The following ZNF503 variants were observed in gnomAD, a reference collection of about 807,000 sequenced individuals.
The protein encoded by ZNF503 is zinc finger protein 503, also known as NocA-like zinc finger 2.
Under a neutral mutation model 34.4 loss-of-function variants are expected in ZNF503, and 15 were observed. The observed-to-expected ratio is 0.44, with a 90% CI of 0.29 to 0.67. ZNF503 has a LOEUF of 0.67. Among genes scored for constraint, ZNF503 ranks in the 30% least tolerant of loss-of-function variants. The pLI, the probability that ZNF503 is intolerant of heterozygous loss-of-function variation, is 0.13. For missense variants in ZNF503, 1,007 were observed against 926.8 expected, an observed-to-expected ratio of 1.09 and a Z score of -1.12; for synonymous variants, 580 against 456.8, an observed-to-expected ratio of 1.27 and a Z score of -3.44.
chr10:75,401,765 G>T, upstream of ZNF503: 1 of 329,842 alleles, frequency 3.0e-6, no homozygotes, highest in Non-Finnish European at 5.5e-6. Context: ...CCGGGGCTCT[G>T]GCGAGGAAAC....
At chr10:75,364,518 T>G in the ZNF503 span, among the ~76,000 whole-genome samples, 17 of 152,178 alleles carry the variant, frequency 1.1e-4, no homozygotes, top group Non-Finnish European at 2.1e-4. Flanking sequence ...CTTGGTGTGC[T>G]AATCTGAAAT....
At chr10:75,382,563 T>C in the ZNF503 span, 6 of 480,338 alleles carry the variant, frequency 1.2e-5, no homozygotes, top group Non-Finnish European at 2.3e-5. Context: ...TCTTTCTCCT[T>C]CCCAGATATT....
chr10:75,292,131 G>A, the ZNF503 span, among the ~76,000 whole-genome samples: 8 of 152,192 alleles, frequency 5.3e-5, no homozygotes, highest in African/African-American at 1.4e-4. Flanking sequence ...TCACAGAGGG[G>A]ACCATGGGGG....
chr10:75,283,247 G>A, the ZNF503 span: 1 of 152,306 alleles, frequency 6.6e-6, no homozygotes, highest in African/African-American at 2.4e-5. Flanking sequence ...AGGGGCAGGT[G>A]TGAGGGATAG....
chr10:75,341,875 C>G, the ZNF503 span, among the ~76,000 whole-genome samples: 4 of 152,134 alleles, frequency 2.6e-5, no homozygotes, highest in African/African-American at 9.7e-5. Flanking sequence ...CAGGCAAGTT[C>G]CCACACACTG....
At chr10:75,307,844 C>T in the ZNF503 span, among the ~76,000 whole-genome samples, 48 of 152,092 alleles carry the variant, frequency 3.2e-4, 1 homozygote, top group Middle Eastern at 0.02. Context: ...TTTGGGAGGC[C>T]GAGGCGGGAG....
the ZNF503 span, among the ~76,000 whole-genome samples, chr10:75,294,518 C>T: frequency 3.9e-5 from 6 of 152,134 alleles, no homozygotes; most frequent in South Asian, 1.2e-3. Flanking sequence ...AAATTATTAA[C>T]GCTGAATTTC....
chr10:75,314,254 A>AAAAG, the ZNF503 span, among the ~76,000 whole-genome samples: 3 of 150,530 alleles, frequency 2.0e-5, no homozygotes, highest in African/African-American at 7.4e-5. Context: ...AAAAAAAAAA[A>AAAAG]AAAGAAAGCT....
chr10:75,332,153 A>T, the ZNF503 span, among the ~76,000 whole-genome samples: 1 of 152,052 alleles, frequency 6.6e-6, no homozygotes, highest in Admixed American at 6.6e-5. Context: ...TGGATGTCTT[A>T]GCATTTTTTG....
At chr10:75,294,895 C>CA in the ZNF503 span, among the ~76,000 whole-genome samples, 3 of 152,090 alleles carry the variant, frequency 2.0e-5, no homozygotes, top group African/African-American at 7.2e-5. Context: ...GTCAGCCTGT[C>CA]ACGGCGCAGG....
At chr10:75,344,004 T>G in the ZNF503 span, among the ~76,000 whole-genome samples, 1 of 152,230 alleles carries the variant, frequency 6.6e-6, no homozygotes, top group South Asian at 2.1e-4. Flanking sequence ...GAAAGGAAGA[T>G]GGAAAGTTCA....
chr10:75,301,542 T>C, the ZNF503 span, among the ~76,000 whole-genome samples: 1 of 152,146 alleles, frequency 6.6e-6, no homozygotes, highest in Non-Finnish European at 1.5e-5. Context: ...TGCCCGGCCA[T>C]TTCTATTTGT....
the ZNF503 span, among the ~76,000 whole-genome samples, chr10:75,342,683 T>C: frequency 1.4e-5 from 2 of 142,250 alleles, no homozygotes; most frequent in Non-Finnish European, 3.1e-5. Flanking sequence ...GGAGGGGGCT[T>C]GTGGGTGTGG....
the ZNF503 span, among the ~76,000 whole-genome samples, chr10:75,318,609 C>T: frequency 3.4e-5 from 5 of 146,606 alleles, no homozygotes; most frequent in Admixed American, 3.5e-4. Context: ...TTGGAGGCTG[C>T]AGTGAGCTGT....
At chr10:75,332,175 C>T in the ZNF503 span, among the ~76,000 whole-genome samples, 13 of 151,858 alleles carry the variant, frequency 8.6e-5, no homozygotes, top group African/African-American at 2.2e-4. Flanking sequence ...ATTAGTGGCT[C>T]GATGTTTTTT....
chr10:75,316,579 T>C, the ZNF503 span, among the ~76,000 whole-genome samples: 6 of 152,166 alleles, frequency 3.9e-5, no homozygotes, highest in Non-Finnish European at 7.3e-5. Flanking sequence ...CAGACTGGTT[T>C]TGAACACATG....
At chr10:75,364,580 A>G in the ZNF503 span, among the ~76,000 whole-genome samples, 1 of 152,174 alleles carries the variant, frequency 6.6e-6, no homozygotes, top group Non-Finnish European at 1.5e-5. Context: ...AGAGACAGGC[A>G]TCCCCAGCAA....
At chr10:75,366,318 G>A in the ZNF503 span, among the ~76,000 whole-genome samples, 1 of 152,096 alleles carries the variant, frequency 6.6e-6, no homozygotes, top group East Asian at 1.9e-4. Context: ...TAGTGATGTC[G>A]GCCAGGGATA....
chr10:75,369,429 T>G, the ZNF503 span, among the ~76,000 whole-genome samples: 3 of 152,184 alleles, frequency 2.0e-5, no homozygotes, highest in Non-Finnish European at 2.9e-5. Context: ...TCTCATGAGA[T>G]CTGATGGTTT....
Sources: allele counts gnomAD v4.1 joint callset (sites outside exome capture counted in the v4.1 genomes callset), GRCh38; gene constraint gnomAD v4.1.1; transcripts MANE v1.5; gene names NCBI Gene and HGNC (gene_info 2026-07-23, HGNC 2026-07-21).